The following STK31 variants were observed in gnomAD, a reference collection of about 807,000 sequenced individuals.
The protein encoded by STK31 is serine/threonine-protein kinase 31.
A neutral mutation model predicts 129.7 loss-of-function variants in STK31; 89 were observed. The ratio of observed to expected loss-of-function variants is 0.69; its 90% CI spans 0.58 to 0.82. STK31 has a LOEUF of 0.82. Among genes scored for constraint, STK31 ranks in the 40% least tolerant of loss-of-function variants. The pLI, the probability that STK31 is intolerant of heterozygous loss-of-function variation, is 0.00. For missense variants in STK31, 1,187 were observed against 1,176.4 expected, an observed-to-expected ratio of 1.01 and a Z score of -0.13; for synonymous variants, 448 against 395.3, an observed-to-expected ratio of 1.13 and a Z score of -1.58.
chr7:23,758,648 C>T (rs1203338284), intron 10 of STK31, among the ~76,000 whole-genome samples: 1 of 152,048 alleles, frequency 6.6e-6, no homozygotes, highest in Non-Finnish European at 1.5e-5. Context: ...TATCTGTGTC[C>T]TGGAGATTCT....
chr7:23,776,624 G>A (rs1790563560), intron 15 of STK31, among the ~76,000 whole-genome samples: 1 of 152,162 alleles, frequency 6.6e-6, no homozygotes, highest in Non-Finnish European at 1.5e-5. Context: ...GCATAGAGGT[G>A]TTTATTGTAT....
chr7:23,747,404 CTG>C (rs909381260), intron 8 of STK31, among the ~76,000 whole-genome samples: 2 of 152,052 alleles, frequency 1.3e-5, no homozygotes, highest in African/African-American at 4.8e-5. Flanking sequence ...GAGTCTCACT[CTG>C]TTGCCCAGGC....
intron 4 of STK31, among the ~76,000 whole-genome samples, chr7:23,720,871 T>C (rs576891306): frequency 6.6e-6 from 1 of 152,264 alleles, no homozygotes; most frequent in South Asian, 2.1e-4. Flanking sequence ...AAAAGTAAGG[T>C]AAATAGGTCT....
At chr7:23,798,248 T>C (rs1792123874) in intron 22 of STK31, among the ~76,000 whole-genome samples, 1 of 152,186 alleles carries the variant, frequency 6.6e-6, no homozygotes, top group Admixed American at 6.5e-5. Context: ...TAACTCATTT[T>C]ATGAGGCCGG....
intron 22 of STK31, among the ~76,000 whole-genome samples, chr7:23,793,029 A>G (rs1460657606): frequency 6.6e-6 from 1 of 152,226 alleles, no homozygotes; most frequent in Non-Finnish European, 1.5e-5. Flanking sequence ...TTCTAAAAAC[A>G]CAAGTGATAC....
chr7:23,717,681 G>A lies in STK31; in HGVS notation c.249+102G>A. Reference sequence around the variant, plus strand: ...GTTCCTGGTATATTTGAAAAGAAGAGGCTGATTTTTGGAATTTGTATAAAC... The same window carrying A: ...GTTCCTGGTATATTTGAAAAGAAGAAGCTGATTTTTGGAATTTGTATAAAC... On this transcript the variant is annotated intron_variant, in intron 4 of 23. Transcript: ENST00000355870. 4 of 899,622 alleles carry A rather than the reference G, an allele frequency of 4.4e-6. No homozygotes were observed. The Middle Eastern group carries it at 6.8e-4, about 152-fold the overall frequency. The allele number at this position is 899,622 out of a possible 1,614,324, so 55.7% of individuals were successfully genotyped here.
intron 22 of STK31, among the ~76,000 whole-genome samples, chr7:23,800,953 C>G (rs1194040551): frequency 6.6e-6 from 1 of 152,160 alleles, no homozygotes; most frequent in South Asian, 2.1e-4. Context: ...TGTTTGTTCA[C>G]CTGTTGCAGA....
intron 8 of STK31, 50 bp downstream of exon 8, chr7:23,737,128 A>C: frequency 7.0e-7 from 1 of 1,428,868 alleles, no homozygotes; most frequent in Non-Finnish European, 9.2e-7. Flanking sequence ...AAATCTGTGT[A>C]CTCATCTGCT....
chr7:23,831,017 C>T (rs1376678008), intron 23 of STK31, among the ~76,000 whole-genome samples: 1 of 152,116 alleles, frequency 6.6e-6, no homozygotes, highest in Admixed American at 6.6e-5. Flanking sequence ...AATTTTAAAA[C>T]ATTTTTTGAG....
chr7:23,725,372 C>CAAAAAAA (rs57280021), intron 4 of STK31, among the ~76,000 whole-genome samples: 3 of 57,750 alleles, frequency 5.2e-5, no homozygotes, highest in South Asian at 8.9e-4. Flanking sequence ...CCTGTTTCTA[C>CAAAAAAA]AAAAAAAAAA....
intron 23 of STK31, among the ~76,000 whole-genome samples, chr7:23,826,492 C>G (rs537702715): frequency 2.6e-4 from 40 of 152,234 alleles, no homozygotes; most frequent in African/African-American, 4.6e-4. Flanking sequence ...CTATGTGTGT[C>G]TCTGCACGTG....
chr7:23,723,201 C>T (rs1786832463), intron 4 of STK31, among the ~76,000 whole-genome samples: 1 of 152,124 alleles, frequency 6.6e-6, no homozygotes, highest in South Asian at 2.1e-4. Context: ...ATCTTGGAAC[C>T]TCTCTCTCCT....
intron 15 of STK31, among the ~76,000 whole-genome samples, chr7:23,780,084 G>C (rs1419278031): frequency 6.6e-6 from 1 of 152,150 alleles, no homozygotes; most frequent in Non-Finnish European, 1.5e-5. Context: ...CCCTTGGCTA[G>C]GAGAGCGAGT....
intron 4 of STK31, chr7:23,723,032 C>G (rs1444622541): frequency 6.6e-6 from 1 of 152,254 alleles, no homozygotes; most frequent in Non-Finnish European, 1.5e-5. Context: ...CCTTGCACTT[C>G]CTGGGTGAGG....
chr7:23,719,757 T>G (rs1786576102), intron 4 of STK31, among the ~76,000 whole-genome samples: 1 of 152,150 alleles, frequency 6.6e-6, no homozygotes, highest in Non-Finnish European at 1.5e-5. Flanking sequence ...AATTTCATGC[T>G]TAGATGAGTA....
rs189222109 is a variant in STK31, at chr7:23,786,486, G to A, written c.2275-22G>A. The A allele has an allele frequency of 3.2e-6, 5 of 1,572,678 alleles. No individual in the cohort carries two copies. In the Admixed American group the frequency reaches 9.4e-5, roughly 30 times the overall value. ...TGAGATTTTCATCTTGGAATTACGA[G>A]TGCCTCTTTCTTTGGTACAAGGGCT... On this transcript the variant is annotated intron_variant, in intron 18 of 23. Transcript: ENST00000355870.
chr7:23,713,732 G>C (rs1252160233), intron 3 of STK31, among the ~76,000 whole-genome samples: 1 of 152,076 alleles, frequency 6.6e-6, no homozygotes, highest in Non-Finnish European at 1.5e-5. Context: ...TTCAGGGTCA[G>C]TAATGTGCAT....
At chr7:23,784,731 A>G (rs1487600806) in intron 17 of STK31, among the ~76,000 whole-genome samples, 1 of 152,128 alleles carries the variant, frequency 6.6e-6, no homozygotes, top group African/African-American at 2.4e-5. Flanking sequence ...TCTTACTGAA[A>G]CTGCACCACA....
intron 18 of STK31, among the ~76,000 whole-genome samples, chr7:23,785,959 G>A (rs1439928397): frequency 6.6e-6 from 1 of 151,854 alleles, no homozygotes. Flanking sequence ...AAACCTGCAC[G>A]TTGTGCACAT....
Sources: gnomAD v4.1 joint callset for allele counts (sites outside exome capture counted in the v4.1 genomes callset) on GRCh38, gnomAD v4.1.1 for gene constraint, MANE v1.5 for transcripts, NCBI Gene and HGNC (gene_info 2026-07-23, HGNC 2026-07-21) for gene names.